The following ITGAE variants were observed in gnomAD, a reference collection of about 807,000 sequenced individuals.
ITGAE encodes integrin alpha-E.
In ITGAE, 99 loss-of-function variants were observed where a neutral mutation model predicts 136.5. The ratio of observed to expected loss-of-function variants is 0.73; its 90% CI spans 0.62 to 0.86. ITGAE has a LOEUF of 0.86. Ranked by LOEUF, ITGAE falls within the 40% of genes least tolerant of loss-of-function variation. The probability of loss-of-function intolerance (pLI) is 0.00; values close to 1 mark genes in which losing one functional copy is unlikely to be tolerated. For missense variants in ITGAE, 1,447 were observed against 1,515.3 expected (o/e 0.95, Z 0.75); for synonymous variants, 613 against 591.8 (o/e 1.04, Z -0.52).
chr17:3,722,234 C>A (rs1188664516), intron 28 of ITGAE, among the ~76,000 whole-genome samples: 1 of 151,752 alleles, frequency 6.6e-6, no homozygotes, highest in Non-Finnish European at 1.5e-5. Flanking sequence ...GTAATCCCAG[C>A]ACTTTGGGAG....
chr17:3,723,647 C>T (rs2051108761), intron 27 of ITGAE, 41 bp downstream of exon 27: 5 of 1,530,450 alleles, frequency 3.3e-6, no homozygotes, highest in Non-Finnish European at 4.4e-6. Context: ...CCGCTTCAGG[C>T]CCTCCGCCCT....
intron 2 of ITGAE, among the ~76,000 whole-genome samples, chr17:3,773,517 A>T (rs959040707): frequency 6.6e-5 from 10 of 151,132 alleles, no homozygotes; most frequent in Non-Finnish European, 1.5e-4. Context: ...CAAAGGATAC[A>T]GATGAGGAGA....
chr17:3,756,043 G>A (rs2052014459), intron 10 of ITGAE, 146 bp from the exon 11 acceptor site: 1 of 699,714 alleles, frequency 1.4e-6, no homozygotes, highest in Non-Finnish European at 2.4e-6. Context: ...TAGAGACCCA[G>A]GTTCTCCTTG....
chr17:3,753,757 G>A (rs761417668), intron 13 of ITGAE, 26 bp downstream of exon 13: 22 of 1,613,374 alleles, frequency 1.4e-5, no homozygotes, highest in Non-Finnish European at 4.2e-6. Flanking sequence ...CGGTCATAAG[G>A]GGTGGAGGCT....
rs147776165 is a variant in ITGAE at position 3,743,556 on chromosome 17, G to A, written c.2381C>T (p.Pro794Leu). Residue 794 changes from proline (P) to leucine (L), a missense_variant, in exon 19 of 31, where the codon CCT becomes CTT. Pro to Leu is a moderately conservative substitution (Grantham distance 98, BLOSUM62 -3). Around this residue, in one of 3 missense-constraint regions of ITGAE, gnomAD observed 1,031 missense variants for 1,011.4 expected, o/e 1.02. Transcript: ENST00000263087. ...SVKVSYQLQT[P>L]EGQTDHPQPI... ...CTGGGGATGGTCCGTCTGTCCCTCA[G>A]GGGTCTGGAGCTGGTAGCTGACTTT... 74 of 1,613,204 alleles carry A rather than the reference G, an allele frequency of 4.6e-5. No homozygotes were observed. Among genetic ancestry groups the A allele is most frequent in the South Asian group, 4.0e-4 (36 of 90,924 alleles).
intron 2 of ITGAE, among the ~76,000 whole-genome samples, chr17:3,768,502 G>A (rs1438968945): frequency 6.6e-6 from 1 of 152,154 alleles, no homozygotes; most frequent in African/African-American, 2.4e-5. Context: ...CCCAGTTCCT[G>A]GGTGACCAGC....
chr17:3,797,457 G>A (rs377556176), intron 1 of ITGAE, among the ~76,000 whole-genome samples: 7 of 140,996 alleles, frequency 5.0e-5, no homozygotes, highest in South Asian at 2.2e-4. Context: ...GAGCCACTGC[G>A]CCTGGCCTTT....
At chr17:3,738,114 A>G (rs1430346750) in intron 20 of ITGAE, among the ~76,000 whole-genome samples, 1 of 152,176 alleles carries the variant, frequency 6.6e-6, no homozygotes, top group Non-Finnish European at 1.5e-5. Context: ...TGGCCAACAG[A>G]ATCACAATAC....
chr17:3,779,484 T>C (rs1006762233), intron 1 of ITGAE, among the ~76,000 whole-genome samples: 2 of 151,976 alleles, frequency 1.3e-5, no homozygotes, highest in Non-Finnish European at 2.9e-5. Context: ...CCTGCCACCA[T>C]GCCCGGCTAA....
At chr17:3,792,217 GTTCAAGCGA>G (rs2052956254) in intron 1 of ITGAE, among the ~76,000 whole-genome samples, 1 of 152,120 alleles carries the variant, frequency 6.6e-6, no homozygotes, top group East Asian at 1.9e-4. Context: ...TGCCTCCCGG[GTTCAAGCGA>G]TTCTCCTGCC....
chr17:3,784,217 G>A (rs1391909052), intron 1 of ITGAE: 18 of 246,724 alleles, frequency 7.3e-5, no homozygotes, highest in South Asian at 1.7e-4. Context: ...CCGAGATTGC[G>A]CCACTGCACT....
chr17:3,717,757 G>T (rs576487983), intron 29 of ITGAE: 1 of 152,308 alleles, frequency 6.6e-6, no homozygotes, highest in Non-Finnish European at 1.5e-5. Flanking sequence ...TGACCTTCCA[G>T]TCCTATTTAG....
intron 26 of ITGAE, chr17:3,724,451 G>A (rs1567756428): frequency 1.9e-6 from 3 of 1,613,730 alleles, no homozygotes; most frequent in Non-Finnish European, 1.7e-6. Flanking sequence ...TCAGCTCTCT[G>A]GCCTCGCCCT....
intron 16 of ITGAE, among the ~76,000 whole-genome samples, chr17:3,748,324 C>A (rs551347577): frequency 6.6e-6 from 1 of 152,312 alleles, no homozygotes; most frequent in Non-Finnish European, 1.5e-5. Context: ...CGGTGGCTCA[C>A]GCCTGTAATC....
Position 3,776,962 on chromosome 17 carries a change from C to CT in ITGAE, c.155+577dup, listed in dbSNP as rs72345629. 4.2e-3 allele frequency among the ~76,000 whole-genome samples: 581 copies of CT among 138,032 alleles called. 9 individuals carry two copies. Among genetic ancestry groups the CT allele is most frequent in the South Asian group, 0.02 (86 of 4,346 alleles). 90.6% of individuals were successfully genotyped at this position (138,032 alleles called of 152,430 possible). A position where few individuals can be genotyped will look rare whatever the true frequency, so the allele number is the denominator to read the frequency against. On this transcript the variant is annotated intron_variant, in intron 2 of 30. Coordinates refer to ENST00000263087, the MANE Select transcript of ITGAE (RefSeq NM_002208.5). ...TTAATATGCTTTATTTTAAAATTGTCTTTTTTTTTTTTTTTTGAGACGGAG... is the reference window on the plus strand; with the variant it reads ...TTAATATGCTTTATTTTAAAATTGTCTTTTTTTTTTTTTTTTTGAGACGGAG...
intron 1 of ITGAE, among the ~76,000 whole-genome samples, chr17:3,795,603 A>C (rs2053046658): frequency 6.6e-6 from 1 of 152,212 alleles, no homozygotes; most frequent in Non-Finnish European, 1.5e-5. Context: ...GGAGGCACCG[A>C]GGGGTTGGTA....
intron 1 of ITGAE, among the ~76,000 whole-genome samples, chr17:3,786,614 G>A (rs1245244371): frequency 2.0e-5 from 3 of 152,028 alleles, no homozygotes; most frequent in Admixed American, 6.6e-5. Flanking sequence ...TAATACGGCC[G>A]GGTGCAGTGG....
At chr17:3,731,020 C>A in intron 23 of ITGAE, 84 bp downstream of exon 23, 1 of 1,098,550 alleles carries the variant, frequency 9.1e-7, no homozygotes, top group South Asian at 1.3e-5. Context: ...TGTAAGGGGG[C>A]CGTTCCTCTC....
chr17:3,748,283 T>C (rs2051770342), intron 16 of ITGAE, among the ~76,000 whole-genome samples: 1 of 152,102 alleles, frequency 6.6e-6, no homozygotes, highest in South Asian at 2.1e-4. Context: ...GGCAAGGCTA[T>C]GAGAAAAATT....
Sources: gnomAD v4.1 joint callset for allele counts (sites outside exome capture counted in the v4.1 genomes callset) on GRCh38, gnomAD v4.1.1 for gene constraint, gnomAD v4.1.1 regional missense constraint, MANE v1.5 for transcripts, NCBI Gene and HGNC (gene_info 2026-07-23, HGNC 2026-07-21) for gene names.